Variants in EYA4 observed in about 807,000 individuals in gnomAD.
EYA4 encodes the protein protein phosphatase EYA4.
In EYA4, 31 loss-of-function variants were observed where a neutral mutation model predicts 87.9. The observed-to-expected ratio is 0.35, with a 90% CI of 0.27 to 0.48. The LOEUF (loss-of-function observed/expected upper bound fraction) is 0.48, where lower values mean the gene tolerates loss of function less well. Ranked by LOEUF, EYA4 falls within the 20% of genes least tolerant of loss-of-function variation. The pLI is 0.99. For missense variants in EYA4, 678 were observed against 761.4 expected, an observed-to-expected ratio of 0.89 and a Z score of 1.29; for synonymous variants, 263 against 270.6, an observed-to-expected ratio of 0.97 and a Z score of 0.28.
At chr6:133,450,880 T>G (rs1296261408) in intron 5 of EYA4, among the ~76,000 whole-genome samples, 2 of 152,248 alleles carry the variant, frequency 1.3e-5, no homozygotes, top group African/African-American at 4.8e-5. Flanking sequence ...TGGTGCTCTT[T>G]AAGTATGTTG....
Position 133,529,799 on chromosome 6 carries a change from T to C in EYA4, c.*994T>C, listed in dbSNP as rs1800903542. ...GTGAAATGTATGTAGAAGTCTCAAG[T>C]ACCCCTTCTACAGTTTTACTGGAGA... is the stretch of plus-strand genomic sequence containing the variant. On this transcript the variant is annotated 3_prime_UTR_variant, in exon 20 of 20. Transcript: ENST00000355286. 4.1e-6 allele frequency: 4 copies of C among 984,960 alleles called. No individual in the cohort carries two copies. The highest frequency in any genetic ancestry group is 6.1e-5 in the Admixed American group (1 of 16,268). The allele number at this position is 984,960 out of a possible 1,614,324, so 61.0% of individuals were successfully genotyped here. A position where few individuals can be genotyped will look rare whatever the true frequency, so the allele number is the denominator to read the frequency against.
At chr6:133,406,490 G>A (rs1788721192) in intron 3 of EYA4, among the ~76,000 whole-genome samples, 1 of 152,310 alleles carries the variant, frequency 6.6e-6, no homozygotes, top group African/African-American at 2.4e-5. Flanking sequence ...TGATAGGTAA[G>A]GTCAAAAGGA....
At chr6:133,241,811 A>T (rs1052660353) in intron 1 of EYA4, 62 bp downstream of exon 1, 19 of 151,652 alleles carry the variant, frequency 1.3e-4, no homozygotes, top group African/African-American at 3.9e-4. Flanking sequence ...AGTTGAGAGA[A>T]CCCCCAAACT....
intron 3 of EYA4, chr6:133,435,046 A>G (rs1791528484): frequency 1.3e-5 from 2 of 152,120 alleles, no homozygotes; most frequent in Admixed American, 6.5e-5. Context: ...ATTAAGGGGG[A>G]CTTTTAAAAA....
chr6:133,397,038 T>C (rs142571528), intron 3 of EYA4, among the ~76,000 whole-genome samples: 58 of 152,244 alleles, frequency 3.8e-4, no homozygotes, highest in African/African-American at 1.3e-3. Context: ...GCTTAGAAAA[T>C]GTTAGTGAAG....
chr6:133,461,963 C>G (rs1003561456), intron 7 of EYA4, among the ~76,000 whole-genome samples: 7 of 151,958 alleles, frequency 4.6e-5, no homozygotes, highest in African/African-American at 1.7e-4. Context: ...TGAATTTGCT[C>G]ATGAGCATAT....
intron 3 of EYA4, among the ~76,000 whole-genome samples, chr6:133,438,574 G>C (rs938513647): frequency 3.3e-5 from 5 of 151,390 alleles, no homozygotes; most frequent in African/African-American, 1.2e-4. Context: ...ATTTCTATCT[G>C]TTCCACTTTA....
In EYA4 at chr6:133,462,414, C is replaced by A; in HGVS notation, c.517C>A (p.Gln173Lys). 1 of 1,614,018 alleles carries A rather than the reference C, an allele frequency of 6.2e-7. No individual in the cohort carries two copies. The highest frequency in any genetic ancestry group is 8.5e-7 in the Non-Finnish European group (1 of 1,179,940). ...AGGCCAGACTCAGTATTCGGGGATG[C>A]AGCAGCCAGCCGTCTACACAGCCTA... ...YAGQTQYSGM[Q>K]QPAVYTAYSQ... is the part of the protein sequence containing the mutation. The change falls in exon 8 of 20, where the codon CAG (glutamine) becomes AAG (lysine). Residue 173 changes from glutamine (Q) to lysine (K), a missense_variant. By Grantham distance (53) the Gln-to-Lys change is moderately conservative. Coordinates refer to ENST00000355286, the MANE Select transcript of EYA4 (RefSeq NM_004100.5).
intron 1 of EYA4, among the ~76,000 whole-genome samples, chr6:133,241,963 G>C (rs990377195): frequency 1.3e-5 from 2 of 152,164 alleles, no homozygotes; most frequent in Non-Finnish European, 2.9e-5. Flanking sequence ...CGGGCCGCTC[G>C]GACCGCAGCG....
intron 2 of EYA4, among the ~76,000 whole-genome samples, chr6:133,279,678 G>C (rs1777463672): frequency 1.3e-5 from 2 of 151,894 alleles, no homozygotes. Context: ...TCTCTCTCTT[G>C]TTTTTCCTTA....
intron 3 of EYA4, among the ~76,000 whole-genome samples, chr6:133,383,834 A>G (rs1044465170): frequency 7.2e-5 from 11 of 152,176 alleles, no homozygotes; most frequent in African/African-American, 1.7e-4. Flanking sequence ...ATGAACCACT[A>G]AATGTTTTCC....
chr6:133,285,320 G>A (rs1777963731), intron 2 of EYA4, among the ~76,000 whole-genome samples: 1 of 152,160 alleles, frequency 6.6e-6, no homozygotes, highest in Admixed American at 6.5e-5. Context: ...AAAGACTCAA[G>A]AGAGGCGAGG....
At position 133,432,027 on chromosome 6, in the gene EYA4, G is replaced by T. The variant is rs576434880; in HGVS notation, c.84-14603G>T. On this transcript the variant is annotated intron_variant, in intron 3 of 19. Transcript: ENST00000355286. ...TATTCCACCCCCGCCCCCAGCATTT[G>T]CAAACCACCAGTCATTTCCTTAGGG... is the stretch of plus-strand genomic sequence containing the variant. Among the ~76,000 whole-genome samples the T allele has an allele frequency of 2.9e-5, 4 of 139,658 alleles. No individual in the cohort carries two copies. The East Asian group carries it at 8.8e-4, about 31-fold the overall frequency. 91.6% of individuals were successfully genotyped at this position (139,658 alleles called of 152,430 possible). A position where few individuals can be genotyped will look rare whatever the true frequency, so the allele number is the denominator to read the frequency against.
intron 2 of EYA4, among the ~76,000 whole-genome samples, chr6:133,306,739 T>C (rs1779840226): frequency 6.6e-6 from 1 of 152,204 alleles, no homozygotes; most frequent in Admixed American, 6.5e-5. Flanking sequence ...ATTTAAATAG[T>C]TATTTCTACA....
intron 1 of EYA4, among the ~76,000 whole-genome samples, chr6:133,267,323 A>T (rs1179673552): frequency 6.6e-6 from 1 of 152,130 alleles, no homozygotes; most frequent in Non-Finnish European, 1.5e-5. Context: ...CCATGTTAGC[A>T]TAACTAAAAT....
At chr6:133,453,004 T>C (rs1418858882) in intron 5 of EYA4, 2 of 152,108 alleles carry the variant, frequency 1.3e-5, no homozygotes. Flanking sequence ...ATAAAAGGAT[T>C]TTGCTTCCAT....
intron 17 of EYA4, among the ~76,000 whole-genome samples, chr6:133,518,801 A>G (rs1179883298): frequency 5.3e-5 from 8 of 152,170 alleles, no homozygotes; most frequent in African/African-American, 1.7e-4. Context: ...ACTATCTCTC[A>G]GACCACAGTG....
intron 3 of EYA4, among the ~76,000 whole-genome samples, chr6:133,393,987 T>G (rs1337844472): frequency 2.6e-5 from 4 of 152,230 alleles, no homozygotes; most frequent in African/African-American, 4.8e-5. Context: ...GTACAGAGAT[T>G]CTGCTTATTA....
intron 2 of EYA4, among the ~76,000 whole-genome samples, chr6:133,282,683 C>T (rs7747638): frequency 0.14 from 21,401 of 152,064 alleles, 1,655 homozygotes; most frequent in African/African-American, 0.18. Flanking sequence ...CTAAATATTA[C>T]GTTTTCTTCT....
Sources: gnomAD v4.1 joint callset for allele counts (sites outside exome capture counted in the v4.1 genomes callset) on GRCh38, gnomAD v4.1.1 for gene constraint, MANE v1.5 for transcripts, NCBI Gene and HGNC (gene_info 2026-07-23, HGNC 2026-07-21) for gene names.